Variants in LEMD3 observed in about 807,000 individuals in gnomAD.
The protein encoded by LEMD3 is inner nuclear membrane protein Man1.
LEMD3 carries 33 observed loss-of-function variants against 95.2 expected under a neutral mutation model. The ratio of observed to expected loss-of-function variants is 0.35; its 90% confidence interval spans 0.26 to 0.46. LEMD3 has a LOEUF of 0.46. Among genes scored for constraint, LEMD3 ranks in the 20% least tolerant of loss-of-function variants. The pLI is 1.00. For synonymous variants in LEMD3, 525 were observed against 474.6 expected (o/e 1.11, Z -1.38); for missense variants, 1,210 against 1,192.8 (o/e 1.01, Z -0.21).
Position 65,194,766 on chromosome 12 carries a change from G to T in LEMD3, c.1523-16160G>T, listed in dbSNP as rs1001089086. Among the ~76,000 whole-genome samples the T allele has an allele frequency of 6.6e-4, 17 of 25,938 alleles. No individual in the cohort carries two copies. The Admixed American group carries it at 6.8e-3, about 10-fold the overall frequency. 17.0% of individuals were successfully genotyped at this position (25,938 alleles called of 152,430 possible). ...GTGGTCTTTCATTAGTTTTACATAG[G>T]CAGTTTAGTTTTGGGGAATGGTTAG... On this transcript the variant is annotated intron_variant, in intron 1 of 12. Coordinates refer to ENST00000308330, the MANE Select transcript of LEMD3 (RefSeq NM_014319.5).
At chr12:65,219,007 G>T (rs1018055078) in intron 4 of LEMD3, among the ~76,000 whole-genome samples, 2 of 152,098 alleles carry the variant, frequency 1.3e-5, no homozygotes, top group South Asian at 2.1e-4. Flanking sequence ...GGCCAGGCTG[G>T]TCTCAAACTC....
chr12:65,238,471 A>C, intron 4 of LEMD3, 31 bp from the exon 5 acceptor site: 1 of 1,349,496 alleles, frequency 7.4e-7, no homozygotes, highest in Non-Finnish European at 1.1e-6. Context: ...GTAGATTAAG[A>C]ATAGTTATTT....
chr12:65,246,297 G>T lies in LEMD3; in HGVS notation c.2708G>T (p.Gly903Val), dbSNP rs762568799. ...ATGTCTCATCTTCGTCTTCGGACTG[G>T]CCTAACCAATTCTCAAGGAAGTTCC... ...NSMSHLRLRT[G>V]LTNSQGSS The change falls in exon 13 of 13, where the codon GGC becomes GTC. Residue 903 changes from glycine to valine, a missense_variant. Coordinates refer to ENST00000308330, the MANE Select transcript of LEMD3 (RefSeq NM_014319.5). 6.2e-7 allele frequency: 1 copy of T among 1,613,432 alleles called. No homozygotes were observed. Among genetic ancestry groups the T allele is most frequent in the Non-Finnish European group, 8.5e-7 (1 of 1,179,618 alleles).
chr12:65,227,816 A>G (rs1023503769), intron 4 of LEMD3, among the ~76,000 whole-genome samples: 2 of 150,646 alleles, frequency 1.3e-5, no homozygotes, highest in African/African-American at 4.9e-5. Flanking sequence ...AGTGGGGCCA[A>G]GGGAAGCCAA....
chr12:65,193,246 GAAGTA>G (rs943791174), intron 1 of LEMD3, among the ~76,000 whole-genome samples: 4 of 152,152 alleles, frequency 2.6e-5, no homozygotes, highest in Non-Finnish European at 5.9e-5. Flanking sequence ...GGAATGAAAG[GAAGTA>G]AAGTATACTT....
chr12:65,224,065 TATC>T (rs531908828), intron 4 of LEMD3, among the ~76,000 whole-genome samples: 270 of 152,326 alleles, frequency 1.8e-3, no homozygotes, highest in African/African-American at 6.1e-3. Flanking sequence ...TCATATTGTG[TATC>T]ATCAACATAT....
At chr12:65,241,406 T>C (rs906429588) in intron 9 of LEMD3, among the ~76,000 whole-genome samples, 3 of 151,406 alleles carry the variant, frequency 2.0e-5, no homozygotes, top group Admixed American at 6.6e-5. Context: ...GACACATAAT[T>C]TATGTTATAT....
At chr12:65,223,548 C>T (rs1439566721) in intron 4 of LEMD3, among the ~76,000 whole-genome samples, 2 of 152,012 alleles carry the variant, frequency 1.3e-5, no homozygotes, top group Non-Finnish European at 2.9e-5. Flanking sequence ...AGTATGGCTA[C>T]CCCTACTCTT....
rs540804435 is a variant in LEMD3 at position 65,229,262 on chromosome 12, A to G, written c.1696-9240A>G. 1.8e-4 allele frequency among the ~76,000 whole-genome samples: 27 copies of G among 152,300 alleles called. 1 individual carries two copies. The South Asian group carries it at 5.0e-3, about 28-fold the overall frequency. On this transcript the variant is annotated intron_variant, in intron 4 of 12. Transcript: ENST00000308330. ...ATGGCTGAATAGTATTCCATTGTATATATACCACATTTTCTTTATTCATCT... is the reference window on the plus strand; with the variant it reads ...ATGGCTGAATAGTATTCCATTGTATGTATACCACATTTTCTTTATTCATCT...
Position 65,169,819 on chromosome 12 carries a change from A to C in LEMD3, c.223A>C (p.Thr75Pro). ...TAATAACAATAACACGGCAGCCGCC[A>C]CGGTCGCAGCCGCGGGACCAGCGGC... ...NSNNNNTAAA[T>P]VAAAGPAAAA... Residue 75 changes from threonine (T) to proline (P), a missense_variant, in exon 1 of 13, where the codon ACG becomes CCG. Coordinates refer to ENST00000308330, the MANE Select transcript of LEMD3 (RefSeq NM_014319.5). 6.7e-7 allele frequency: 1 copy of C among 1,491,456 alleles called. No homozygotes were observed. The highest frequency in any genetic ancestry group is 8.9e-7 in the Non-Finnish European group (1 of 1,118,292). 92.4% of individuals were successfully genotyped at this position (1,491,456 alleles called of 1,614,324 possible). A position where few individuals can be genotyped will look rare whatever the true frequency, so the allele number is the denominator to read the frequency against.
At chr12:65,172,030 G>T (rs1309132701) in intron 1 of LEMD3, 1 of 152,234 alleles carries the variant, frequency 6.6e-6, no homozygotes, top group Non-Finnish European at 1.5e-5. Flanking sequence ...GAAGCAGAAG[G>T]AGACAGCCTT....
intron 2 of LEMD3, among the ~76,000 whole-genome samples, chr12:65,211,828 A>G (rs1217011921): frequency 1.3e-5 from 2 of 152,254 alleles, no homozygotes; most frequent in Non-Finnish European, 2.9e-5. Context: ...CATTAGAAAT[A>G]GAAGACTATT....
chr12:65,240,655 G>A, intron 8 of LEMD3: 2 of 507,924 alleles, frequency 3.9e-6, no homozygotes, highest in South Asian at 5.4e-5. Flanking sequence ...ATATCCTGAA[G>A]CAGCATCTTG....
chr12:65,211,759 C>G (rs11175680), intron 2 of LEMD3, among the ~76,000 whole-genome samples: 70,922 of 151,994 alleles, frequency 0.47, 19,204 homozygotes, highest in Middle Eastern at 0.67. Context: ...TTTCAGTTGC[C>G]TTAAGTATAA....
At chr12:65,209,021 A>C (rs1010727639) in intron 1 of LEMD3, among the ~76,000 whole-genome samples, 1 of 152,080 alleles carries the variant, frequency 6.6e-6, no homozygotes, top group Admixed American at 6.6e-5. Flanking sequence ...CATCCTGCAA[A>C]ATTGAACACT....
intron 1 of LEMD3, among the ~76,000 whole-genome samples, chr12:65,191,195 G>C (rs573898588): frequency 1.3e-5 from 2 of 152,112 alleles, no homozygotes; most frequent in African/African-American, 4.8e-5. Context: ...TCTCTTCCAT[G>C]AATCTCCTTG....
intron 4 of LEMD3, among the ~76,000 whole-genome samples, chr12:65,219,636 C>G (rs768280129): frequency 4.1e-4 from 63 of 152,138 alleles, no homozygotes; most frequent in Non-Finnish European, 1.5e-4. Flanking sequence ...TATGTGCATT[C>G]TTATACAGCA....
At chr12:65,193,395 T>C (rs1001826364) in intron 1 of LEMD3, among the ~76,000 whole-genome samples, 2 of 152,124 alleles carry the variant, frequency 1.3e-5, no homozygotes, top group Admixed American at 1.3e-4. Context: ...GTGGGCTGTT[T>C]GTATGTGCAG....
intron 4 of LEMD3, among the ~76,000 whole-genome samples, chr12:65,224,235 A>G (rs1264160230): frequency 6.6e-6 from 1 of 152,174 alleles, no homozygotes; most frequent in East Asian, 1.9e-4. Context: ...ATTGCTAGGT[A>G]GCATCCTTTC....
Sources: allele counts gnomAD v4.1 joint callset (sites outside exome capture counted in the v4.1 genomes callset), GRCh38; gene constraint gnomAD v4.1.1; transcripts MANE v1.5; gene names NCBI Gene and HGNC (gene_info 2026-07-23, HGNC 2026-07-21).